Variants in BRINP3 observed in about 807,000 individuals in gnomAD.
BRINP3 encodes the protein BMP/retinoic acid inducible neural specific 3.
A neutral mutation model predicts 71.0 loss-of-function variants in BRINP3; 19 were observed. That is an observed-to-expected ratio of 0.27 (90% CI 0.19 to 0.39). The LOEUF (loss-of-function observed/expected upper bound fraction) is 0.39. Among genes scored for constraint, BRINP3 ranks in the 10% least tolerant of loss-of-function variants. The probability of loss-of-function intolerance (pLI) is 1.00; values close to 1 mark genes in which losing one functional copy is unlikely to be tolerated. For missense variants in BRINP3, 959 were observed against 940.8 expected, an observed-to-expected ratio of 1.02 and a Z score of -0.25; for synonymous variants, 380 against 337.7, an observed-to-expected ratio of 1.13 and a Z score of -1.37.
chr1:190,311,962 A>G (rs1224651122), intron 2 of BRINP3, among the ~76,000 whole-genome samples: 1 of 147,732 alleles, frequency 6.8e-6, no homozygotes, highest in African/African-American at 2.5e-5. Context: ...AAAACATGTT[A>G]TCTTAATTAG....
At chr1:190,300,105 A>G (rs1001763471) in intron 2 of BRINP3, among the ~76,000 whole-genome samples, 1 of 152,046 alleles carries the variant, frequency 6.6e-6, no homozygotes, top group African/African-American at 2.4e-5. Flanking sequence ...CTGCCTTGCT[A>G]GATTGTGGAA....
At chr1:190,455,509 GAC>G (rs1448605462) in intron 1 of BRINP3, among the ~76,000 whole-genome samples, 2 of 152,206 alleles carry the variant, frequency 1.3e-5, no homozygotes, top group Admixed American at 6.5e-5. Flanking sequence ...TATAGAGACA[GAC>G]ACAGAGTGAG....
At chr1:190,284,234 A>G (rs1663253524) in intron 2 of BRINP3, among the ~76,000 whole-genome samples, 1 of 152,060 alleles carries the variant, frequency 6.6e-6, no homozygotes, top group Non-Finnish European at 1.5e-5. Flanking sequence ...TAAGAACAAT[A>G]GACATATTAC....
intron 2 of BRINP3, among the ~76,000 whole-genome samples, chr1:190,442,465 T>C (rs1417286318): frequency 6.6e-6 from 1 of 152,168 alleles, no homozygotes; most frequent in Non-Finnish European, 1.5e-5. Context: ...ACAATAAGGA[T>C]ATGCAAAGCC....
chr1:190,231,642 T>A (rs1341664009), intron 5 of BRINP3, among the ~76,000 whole-genome samples: 3 of 151,916 alleles, frequency 2.0e-5, no homozygotes, highest in African/African-American at 7.2e-5. Context: ...CATTTGCCAA[T>A]ATTTTCTTAT....
At chr1:190,250,686 C>T (rs1189135112) in intron 4 of BRINP3, among the ~76,000 whole-genome samples, 2 of 151,880 alleles carry the variant, frequency 1.3e-5, no homozygotes, top group African/African-American at 4.8e-5. Context: ...AAGATAGTAT[C>T]GTAAGAATTT....
chr1:190,189,014 C>T (rs1345796773), intron 6 of BRINP3, among the ~76,000 whole-genome samples: 6 of 152,090 alleles, frequency 3.9e-5, no homozygotes, highest in Admixed American at 3.3e-4. Flanking sequence ...CCTGCCTCGA[C>T]CTCCCAAAGT....
At chr1:190,337,574 A>G (rs1370106126) in intron 2 of BRINP3, among the ~76,000 whole-genome samples, 3 of 151,786 alleles carry the variant, frequency 2.0e-5, no homozygotes, top group Non-Finnish European at 4.4e-5. Context: ...CGAACATCAG[A>G]CTCCAAATTC....
At chr1:190,199,687 T>C (rs747652923) in intron 6 of BRINP3, among the ~76,000 whole-genome samples, 3 of 147,592 alleles carry the variant, frequency 2.0e-5, no homozygotes, top group African/African-American at 7.5e-5. Flanking sequence ...TTAGCCAAGA[T>C]AGAAGTCAAA....
chr1:190,394,249 T>A (rs1168760163), intron 2 of BRINP3, among the ~76,000 whole-genome samples: 1 of 151,548 alleles, frequency 6.6e-6, no homozygotes, highest in East Asian at 1.9e-4. Context: ...TCTTTTCACT[T>A]ATGATTATTT....
intron 6 of BRINP3, among the ~76,000 whole-genome samples, chr1:190,197,522 A>G (rs1403078558): frequency 1.3e-5 from 2 of 152,226 alleles, no homozygotes; most frequent in Admixed American, 1.3e-4. Context: ...GGGTAAATAC[A>G]GCCATTCCAA....
At chr1:190,413,403 C>T (rs1489479448) in intron 2 of BRINP3, among the ~76,000 whole-genome samples, 2 of 152,104 alleles carry the variant, frequency 1.3e-5, no homozygotes, top group Admixed American at 1.3e-4. Flanking sequence ...GTAAATATTT[C>T]TTTAAAAGGA....
intron 2 of BRINP3, among the ~76,000 whole-genome samples, chr1:190,356,403 C>T (rs1175138422): frequency 6.6e-6 from 1 of 151,870 alleles, no homozygotes; most frequent in Non-Finnish European, 1.5e-5. Context: ...ACAGTTTTTC[C>T]ATTCAGGCTC....
intron 7 of BRINP3, among the ~76,000 whole-genome samples, chr1:190,129,162 T>G (rs1427349163): frequency 6.6e-6 from 1 of 151,850 alleles, no homozygotes; most frequent in Admixed American, 6.6e-5. Context: ...ACTCAGTTAT[T>G]GTCATCTAAG....
intron 2 of BRINP3, among the ~76,000 whole-genome samples, chr1:190,283,751 T>C (rs1271582972): frequency 6.6e-6 from 1 of 151,224 alleles, no homozygotes; most frequent in Non-Finnish European, 1.5e-5. Context: ...TCAGGATATA[T>C]AGTAATACAA....
chr1:190,252,241 C>A (rs2102819565), intron 4 of BRINP3, among the ~76,000 whole-genome samples: 1 of 152,110 alleles, frequency 6.6e-6, no homozygotes, highest in Non-Finnish European at 1.5e-5. Flanking sequence ...AGAGATTCTG[C>A]CAAAGAGCTT....
chr1:190,338,174 A>C (rs1667415968), intron 2 of BRINP3, among the ~76,000 whole-genome samples: 1 of 152,088 alleles, frequency 6.6e-6, no homozygotes, highest in African/African-American at 2.4e-5. Context: ...TCAAGAAATC[A>C]AATCTCAGAA....
chr1:190,294,088 C>A (rs1012565932), intron 2 of BRINP3, among the ~76,000 whole-genome samples: 1 of 152,046 alleles, frequency 6.6e-6, no homozygotes, highest in East Asian at 1.9e-4. Context: ...TCTGTAGCTC[C>A]TCTCTTCCTC....
intron 2 of BRINP3, among the ~76,000 whole-genome samples, chr1:190,294,650 T>C (rs1486874383): frequency 1.3e-5 from 2 of 152,106 alleles, no homozygotes; most frequent in Non-Finnish European, 2.9e-5. Flanking sequence ...TTAGGTTATA[T>C]TTCCTTGAAT....
Sources: gnomAD v4.1 joint callset for allele counts (sites outside exome capture counted in the v4.1 genomes callset) on GRCh38, gnomAD v4.1.1 for gene constraint, MANE v1.5 for transcripts, NCBI Gene and HGNC (gene_info 2026-07-23, HGNC 2026-07-21) for gene names.